Variants in PTPRN2 observed in about 807,000 individuals in gnomAD.
PTPRN2 encodes the protein protein tyrosine phosphatase receptor type N2.
In PTPRN2, 74 loss-of-function variants were observed where a neutral mutation model predicts 118.8. That is an observed-to-expected ratio of 0.62 (90% CI 0.52 to 0.76). The LOEUF (loss-of-function observed/expected upper bound fraction) is 0.76. PTPRN2 is among the 30% of genes least tolerant of loss of function. The pLI is 0.00. For synonymous variants in PTPRN2, 641 were observed against 608.0 expected (o/e 1.05, Z -0.80); for missense variants, 1,481 against 1,394.4 (o/e 1.06, Z -0.99).
At chr7:158,294,365 A>G (rs1009612624) in intron 3 of PTPRN2, among the ~76,000 whole-genome samples, 1 of 152,182 alleles carries the variant, frequency 6.6e-6, no homozygotes, top group Non-Finnish European at 1.5e-5. Flanking sequence ...TTTTCCCCCA[A>G]AGTGATGAAA....
At chr7:158,081,418 C>T (rs186691805) in intron 10 of PTPRN2, 41 bp from the exon 11 acceptor site, 72 of 1,557,826 alleles carry the variant, frequency 4.6e-5, no homozygotes, top group African/African-American at 3.9e-4. Context: ...ACGAAGTCTA[C>T]GCGCCACACC....
rs1049974280 is a variant in PTPRN2 at position 158,521,531 on chromosome 7, G to A, written c.113-31746C>T. Among the ~76,000 whole-genome samples the A allele has an allele frequency of 3.6e-4, 55 of 152,142 alleles. 15 individuals carry two copies. The highest frequency in any genetic ancestry group is 6.2e-4 in the Non-Finnish European group (42 of 67,984). On this transcript the variant is annotated intron_variant, in intron 1 of 22. Coordinates refer to ENST00000389418, the MANE Select transcript of PTPRN2 (RefSeq NM_002847.5). ...CAGCACGCTGGGTGCTGGCTCAGGA[G>A]GAAGGTCCGCATCGGAATGGTGGAC...
At chr7:157,757,552 C>T (rs1052273321) in intron 12 of PTPRN2, among the ~76,000 whole-genome samples, 1 of 151,228 alleles carries the variant, frequency 6.6e-6, no homozygotes, top group African/African-American at 2.4e-5. Context: ...TCGGGGAAGG[C>T]GGGAGGTGTT....
intron 11 of PTPRN2, among the ~76,000 whole-genome samples, chr7:158,058,837 A>C (rs866691458): frequency 2.1e-3 from 158 of 77,040 alleles, no homozygotes; most frequent in Middle Eastern, 8.1e-3. Flanking sequence ...CTCCATCTGC[A>C]CACGGTGAGA....
rs191463672 is a variant in PTPRN2 at position 158,470,708 on chromosome 7, G to A, written c.163+19027C>T. 1.6e-3 allele frequency among the ~76,000 whole-genome samples: 249 copies of A among 152,324 alleles called. 1 individual carries two copies. Among genetic ancestry groups the A allele is most frequent in the African/African-American group, 5.7e-3 (236 of 41,568 alleles). ...AAAAAGGAACAAATGTATACAGTGG[G>A]AGGTGAGGCAAGAGGGGGTCGGAGC... On this transcript the variant is annotated intron_variant, in intron 2 of 22. Coordinates refer to ENST00000389418, the MANE Select transcript of PTPRN2 (RefSeq NM_002847.5).
In PTPRN2 at chr7:157,710,062, C is replaced by A. The variant is rs1232746790; in HGVS notation, c.1789-27125G>T. Among the ~76,000 whole-genome samples, 3 of 152,254 alleles carry A rather than the reference C, an allele frequency of 2.0e-5. No homozygotes were observed. In the East Asian group the frequency reaches 5.8e-4, roughly 30 times the overall value. On this transcript the variant is annotated intron_variant, in intron 12 of 22. Transcript: ENST00000389418. ...GGACGCATGGGTGTGTCCCCACCAC[C>A]CACAGAAGGGTGCTCGCCTGAGACA...
intron 12 of PTPRN2, among the ~76,000 whole-genome samples, chr7:157,746,697 G>A (rs986167150): frequency 1.3e-5 from 2 of 151,478 alleles, no homozygotes; most frequent in African/African-American, 4.9e-5. Flanking sequence ...TCACGGGACT[G>A]CCCTGCACCC....
intron 13 of PTPRN2, among the ~76,000 whole-genome samples, chr7:157,656,872 TACAC>T (rs1806150822): frequency 8.6e-6 from 1 of 116,518 alleles, no homozygotes; most frequent in Admixed American, 8.7e-5. Context: ...CACACATATA[TACAC>T]ACATACACCA....
intron 3 of PTPRN2, among the ~76,000 whole-genome samples, chr7:158,262,546 C>T (rs1471475195): frequency 2.0e-5 from 3 of 149,656 alleles, no homozygotes; most frequent in African/African-American, 7.4e-5. Flanking sequence ...CACACATTCA[C>T]ACACTGCACA....
At chr7:158,472,424 A>C (rs1431465152) in intron 2 of PTPRN2, among the ~76,000 whole-genome samples, 1 of 152,262 alleles carries the variant, frequency 6.6e-6, no homozygotes, top group Non-Finnish European at 1.5e-5. Flanking sequence ...GTGACGGTGC[A>C]GAAATCTAAC....
rs185172021 is a variant in PTPRN2 at position 158,076,924 on chromosome 7, C to T, written c.1723+4374G>A. The stretch of plus-strand genomic sequence containing the variant: ...GTGATGCATTGCCGAAGACAGAATC[C>T]GCACGGAGCGGACCAGACTGTGAAG... On this transcript the variant is annotated intron_variant, in intron 11 of 22. Transcript: ENST00000389418. 9.1e-4 allele frequency among the ~76,000 whole-genome samples: 138 copies of T among 152,334 alleles called. 1 individual carries two copies. The highest frequency in any genetic ancestry group is 2.2e-3 in the African/African-American group (93 of 41,584).
Position 158,088,091 on chromosome 7 carries a change from A to G in PTPRN2, c.1644-6714T>C, listed in dbSNP as rs373523817. ...ACAAACCTTCTTCCCCTGATGAAAG[A>G]GGGAGTCTTCACACAAACCTTCTTC... is the stretch of plus-strand genomic sequence containing the variant. On this transcript the variant is annotated intron_variant, in intron 10 of 22. Coordinates refer to ENST00000389418, the MANE Select transcript of PTPRN2 (RefSeq NM_002847.5). 6.6e-4 allele frequency among the ~76,000 whole-genome samples: 40 copies of G among 60,706 alleles called. 1 individual carries two copies. Among genetic ancestry groups the G allele is most frequent in the African/African-American group, 8.2e-4 (23 of 27,888 alleles). The allele number at this position is 60,706 out of a possible 152,430, so 39.8% of individuals were successfully genotyped here.
At chr7:158,282,402 T>C (rs1799486609) in intron 3 of PTPRN2, among the ~76,000 whole-genome samples, 1 of 152,232 alleles carries the variant, frequency 6.6e-6, no homozygotes, top group African/African-American at 2.4e-5. Context: ...GTAGAAGTAC[T>C]GCGGGGCCAT....
intron 12 of PTPRN2, among the ~76,000 whole-genome samples, chr7:157,705,046 G>A (rs1001654247): frequency 3.9e-5 from 6 of 152,208 alleles, no homozygotes; most frequent in African/African-American, 1.2e-4. Context: ...GGTGGCTCAC[G>A]CCTGTAATCC....
intron 2 of PTPRN2, 103 bp downstream of exon 2, chr7:158,489,632 G>A: frequency 4.0e-6 from 5 of 1,260,616 alleles, no homozygotes; most frequent in Non-Finnish European, 4.2e-6. Context: ...GCCCCGGGCG[G>A]CCCCAGCTCC....
At chr7:158,331,700 G>A (rs1439433703) in intron 2 of PTPRN2, among the ~76,000 whole-genome samples, 18 of 149,626 alleles carry the variant, frequency 1.2e-4, no homozygotes, top group African/African-American at 3.3e-4. Flanking sequence ...ACTTGCAGAC[G>A]TCACTAACAC....
intron 6 of PTPRN2, among the ~76,000 whole-genome samples, chr7:158,149,841 G>C (rs2150520287): frequency 6.6e-6 from 1 of 150,718 alleles, no homozygotes; most frequent in East Asian, 1.9e-4. Flanking sequence ...GATGTCTCTT[G>C]AAAAAACAAA....
chr7:158,005,459 T>C (rs1305506111), intron 11 of PTPRN2, among the ~76,000 whole-genome samples: 1 of 151,946 alleles, frequency 6.6e-6, no homozygotes, highest in Non-Finnish European at 1.5e-5. Context: ...TAAAAAAAAA[T>C]GCAAAGAGAA....
chr7:158,272,885 G>A lies in PTPRN2; in HGVS notation c.277+43934C>T, dbSNP rs117270244. On this transcript the variant is annotated intron_variant, in intron 3 of 22. Coordinates refer to ENST00000389418, the MANE Select transcript of PTPRN2 (RefSeq NM_002847.5). ...GACCAGGAGGAAGCTACAGTCAATA[G>A]CTGATGGGGCTTGGCTGTGTTGCCC... Among the ~76,000 whole-genome samples, 732 of 152,316 alleles carry A rather than the reference G, an allele frequency of 4.8e-3. 4 individuals carry two copies. Among genetic ancestry groups the A allele is most frequent in the African/African-American group, 0.013 (553 of 41,572 alleles).
Sources: allele counts gnomAD v4.1 joint callset (sites outside exome capture counted in the v4.1 genomes callset), GRCh38; gene constraint gnomAD v4.1.1; transcripts MANE v1.5; gene names NCBI Gene and HGNC (gene_info 2026-07-23, HGNC 2026-07-21).